Variants in LAMA2 observed in about 807,000 individuals in gnomAD.
LAMA2 encodes laminin subunit alpha 2.
In LAMA2, 269 loss-of-function variants were observed where a neutral mutation model predicts 364.8. The observed-to-expected ratio is 0.74, with a 90% CI of 0.67 to 0.82. LAMA2 has a LOEUF of 0.82. Among genes scored for constraint, LAMA2 ranks in the 40% least tolerant of loss-of-function variants. The probability of loss-of-function intolerance (pLI) is 0.00; values close to 1 mark genes in which losing one functional copy is unlikely to be tolerated. For synonymous variants in LAMA2, 1,379 were observed against 1,370.6 expected (o/e 1.01, Z -0.14); for missense variants, 3,807 against 3,873.2 (o/e 0.98, Z 0.45).
At chr6:129,356,623 A>G (rs777276610) in intron 32 of LAMA2, among the ~76,000 whole-genome samples, 1 of 152,138 alleles carries the variant, frequency 6.6e-6, no homozygotes, top group Non-Finnish European at 1.5e-5. Flanking sequence ...TATGCTGGCT[A>G]CTGATAAACA....
chr6:129,136,763 T>G (rs193228939), intron 4 of LAMA2, among the ~76,000 whole-genome samples: 1 of 152,332 alleles, frequency 6.6e-6, no homozygotes, highest in Non-Finnish European at 1.5e-5. Context: ...GAATGACAAG[T>G]GCAAGGACTG....
At chr6:129,486,676 T>C (rs1784603533) in intron 56 of LAMA2, 54 bp downstream of exon 56, 3 of 1,509,672 alleles carry the variant, frequency 2.0e-6, no homozygotes, top group Middle Eastern at 1.7e-4. Flanking sequence ...CTTCCTTTGC[T>C]AGCATCGGTA....
chr6:128,976,734 A>C (rs1481595792), intron 1 of LAMA2, among the ~76,000 whole-genome samples: 1 of 152,212 alleles, frequency 6.6e-6, no homozygotes, highest in Non-Finnish European at 1.5e-5. Flanking sequence ...AAATATCATA[A>C]ATATCATACG....
In LAMA2 at chr6:129,440,860, G is replaced by T. The variant is rs767800885; in HGVS notation, c.6130G>T (p.Ala2044Ser). 1 of 1,613,912 alleles carries T rather than the reference G, an allele frequency of 6.2e-7. No homozygotes were observed. Among genetic ancestry groups the T allele is most frequent in the South Asian group, 1.1e-5 (1 of 91,080 alleles). ...AGCTGTTAAGGACAAAGCCAGACAAGCCAACGACACAGCTAAAGATGTACT... is the reference window on the plus strand; with the variant it reads ...AGCTGTTAAGGACAAAGCCAGACAATCCAACGACACAGCTAAAGATGTACT... The part of the protein sequence containing the change: ...LQAVKDKARQ[A>S]NDTAKDVLAQ... The change falls in exon 43 of 65, where the codon GCC becomes TCC. Residue 2044 changes from alanine to serine, a missense_variant. This residue lies in a region of LAMA2 where 3,333 missense variants were observed against 3,345.7 expected (regional missense o/e 1.00). Coordinates refer to ENST00000421865, the MANE Select transcript of LAMA2 (RefSeq NM_000426.4).
chr6:129,284,609 A>G (rs1468016757), intron 18 of LAMA2, among the ~76,000 whole-genome samples: 1 of 152,118 alleles, frequency 6.6e-6, no homozygotes, highest in East Asian at 1.9e-4. Flanking sequence ...TTTTCAGTGT[A>G]TAGATAATAG....
At chr6:129,481,684 A>G (rs1430419465) in intron 55 of LAMA2, among the ~76,000 whole-genome samples, 1 of 152,146 alleles carries the variant, frequency 6.6e-6, no homozygotes, top group African/African-American at 2.4e-5. Context: ...ATTTGCACCT[A>G]TATTTCCTAT....
At chr6:129,058,121 T>C (rs1023761459) in intron 2 of LAMA2, among the ~76,000 whole-genome samples, 5 of 152,124 alleles carry the variant, frequency 3.3e-5, no homozygotes, top group African/African-American at 1.2e-4. Flanking sequence ...AGAAACAGGA[T>C]CATCAACAGC....
chr6:129,502,683 C>T lies in LAMA2; in HGVS notation c.8269C>T (p.Pro2757Ser). 6.2e-7 allele frequency: 1 copy of T among 1,613,862 alleles called. No individual in the cohort carries two copies. The highest frequency in any genetic ancestry group is 8.5e-7 in the Non-Finnish European group (1 of 1,179,756). Residue 2757 changes from proline to serine, a missense_variant, in exon 59 of 65, where the codon CCA (proline) becomes TCA (serine). This residue lies in a region of LAMA2 where 3,333 missense variants were observed against 3,345.7 expected (regional missense o/e 1.00). Transcript: ENST00000421865. ...THGPCAAESEPALLIGSKQFG... is the reference protein window; with the variant it reads ...THGPCAAESESALLIGSKQFG... Reference sequence around the variant, plus strand: ...GGGTCCTTGTGCTGCAGAATCAGAACCAGCTCTTTTGATAGGGAGCAAGCA... The same window carrying T: ...GGGTCCTTGTGCTGCAGAATCAGAATCAGCTCTTTTGATAGGGAGCAAGCA...
chr6:128,985,256 T>G (rs1783151879), intron 1 of LAMA2, among the ~76,000 whole-genome samples: 1 of 152,100 alleles, frequency 6.6e-6, no homozygotes, highest in Non-Finnish European at 1.5e-5. Context: ...AAAATACAGA[T>G]TAGTCAAGGT....
At chr6:129,124,810 A>G (rs1240876154) in intron 4 of LAMA2, among the ~76,000 whole-genome samples, 1 of 152,204 alleles carries the variant, frequency 6.6e-6, no homozygotes, top group Non-Finnish European at 1.5e-5. Context: ...ATTTTAGATC[A>G]TTTCAACAAC....
At chr6:129,429,299 T>C (rs183859034) in intron 41 of LAMA2, among the ~76,000 whole-genome samples, 9 of 152,316 alleles carry the variant, frequency 5.9e-5, no homozygotes, top group Admixed American at 3.9e-4. Context: ...ATGTATAAAT[T>C]TTTGGCATTC....
At chr6:129,098,491 A>G (rs983319508) in intron 4 of LAMA2, 76 bp downstream of exon 4, 4 of 1,478,096 alleles carry the variant, frequency 2.7e-6, no homozygotes, top group African/African-American at 1.4e-5. Context: ...TGAATATATC[A>G]GTAATTAATG....
intron 3 of LAMA2, among the ~76,000 whole-genome samples, chr6:129,087,618 G>A (rs1021807215): frequency 2.0e-5 from 3 of 152,074 alleles, no homozygotes; most frequent in African/African-American, 7.2e-5. Context: ...GAAAGGAGAA[G>A]AACAACATAA....
rs114766691 is a variant in LAMA2 at position 129,440,880 on chromosome 6, T to C, written c.6150T>C (p.Asp2050=). 953 of 1,613,982 alleles carry C rather than the reference T, an allele frequency of 5.9e-4. 3 individuals carry two copies. The African/African-American group carries it at 0.01, about 18-fold the overall frequency. The change falls in exon 43 of 65, where the codon GAT becomes GAC. Residue 2050 remains aspartate (D), a synonymous_variant. Coordinates refer to ENST00000421865, the MANE Select transcript of LAMA2 (RefSeq NM_000426.4). ...GACAAGCCAACGACACAGCTAAAGA[T>C]GTACTGGCACAGATTACAGAGCTCC... is the stretch of plus-strand genomic sequence containing the variant. ...KARQANDTAK[D]VLAQITELHQ...
At chr6:129,041,176 G>T (rs758446302) in intron 1 of LAMA2, among the ~76,000 whole-genome samples, 1 of 152,136 alleles carries the variant, frequency 6.6e-6, no homozygotes, top group South Asian at 2.1e-4. Context: ...TCACCTAGAG[G>T]AACATTGCCT....
chr6:129,149,118 A>G, intron 7 of LAMA2, 22 bp downstream of exon 7: 1 of 1,353,086 alleles, frequency 7.4e-7, no homozygotes, highest in Non-Finnish European at 1.1e-6. Flanking sequence ...AGAAGCCAAC[A>G]AAATATGTCA....
rs1775917336 is a variant in LAMA2, at chr6:129,335,673, AT to A, written c.4312-6668del. Among the ~76,000 whole-genome samples, 3 of 152,306 alleles carry A rather than the reference AT, an allele frequency of 2.0e-5. No homozygotes were observed. In the South Asian group the frequency reaches 6.2e-4, roughly 32 times the overall value. On this transcript the variant is annotated intron_variant, in intron 29 of 64. Transcript: ENST00000421865. ...GTAAATAGACAGATTTGTAACTAGA[AT>A]TCACTATTTTTTGTTTTGTAAACCT...
At chr6:129,048,858 G>T (rs887865272) in intron 1 of LAMA2, among the ~76,000 whole-genome samples, 5 of 151,694 alleles carry the variant, frequency 3.3e-5, no homozygotes, top group South Asian at 2.1e-4. Flanking sequence ...CAAGTGATCC[G>T]CCCACCTCAG....
chr6:129,238,020 C>T (rs1336670766), intron 12 of LAMA2, among the ~76,000 whole-genome samples: 1 of 134,998 alleles, frequency 7.4e-6, no homozygotes. Flanking sequence ...AAAAAAAAAG[C>T]CAGGCATGGT....
Sources: allele counts gnomAD v4.1 joint callset (sites outside exome capture counted in the v4.1 genomes callset), GRCh38; gene constraint gnomAD v4.1.1; regional missense constraint gnomAD v4.1.1; transcripts MANE v1.5; gene names NCBI Gene and HGNC (gene_info 2026-07-23, HGNC 2026-07-21).